Variants in CALN1 observed in about 807,000 individuals in gnomAD.
CALN1 encodes the protein calneuron 1.
In CALN1, 17 loss-of-function variants were observed where a neutral mutation model predicts 30.6. The observed-to-expected ratio is 0.56, with a 90% CI of 0.38 to 0.83. The LOEUF is 0.83. Among genes scored for constraint, CALN1 ranks in the 40% least tolerant of loss-of-function variants. The pLI, the probability that CALN1 is intolerant of heterozygous loss-of-function variation, is 0.00. For missense variants in CALN1, 291 were observed against 354.9 expected, an observed-to-expected ratio of 0.82 and a Z score of 1.45; for synonymous variants, 156 against 131.4, an observed-to-expected ratio of 1.19 and a Z score of -1.28.
intron 2 of CALN1, among the ~76,000 whole-genome samples, chr7:72,356,062 T>C (rs1803203388): frequency 6.6e-6 from 1 of 152,222 alleles, no homozygotes; most frequent in African/African-American, 2.4e-5. Flanking sequence ...TTACACATTG[T>C]ATACATGTAT....
At chr7:71,947,436 A>C (rs529449837) in intron 5 of CALN1, among the ~76,000 whole-genome samples, 3 of 152,294 alleles carry the variant, frequency 2.0e-5, no homozygotes, top group South Asian at 2.1e-4. Flanking sequence ...TACAATGAAG[A>C]TATGATACTG....
chr7:72,069,748 A>T (rs1179864689), intron 4 of CALN1, among the ~76,000 whole-genome samples: 1 of 152,176 alleles, frequency 6.6e-6, no homozygotes, highest in Non-Finnish European at 1.5e-5. Context: ...GGAGAGCTTG[A>T]TATCTTTGGG....
intron 2 of CALN1, among the ~76,000 whole-genome samples, chr7:72,349,886 T>C (rs1455522065): frequency 1.3e-5 from 2 of 152,222 alleles, no homozygotes; most frequent in East Asian, 1.9e-4. Flanking sequence ...ATTCTGTTGG[T>C]TGTCTGTTTA....
At chr7:72,209,840 G>T (rs1445587645) in intron 3 of CALN1, among the ~76,000 whole-genome samples, 1 of 152,032 alleles carries the variant, frequency 6.6e-6, no homozygotes, top group Non-Finnish European at 1.5e-5. Flanking sequence ...TGTTTTCAAG[G>T]CTTAGGTTCT....
the CALN1 span, among the ~76,000 whole-genome samples, chr7:72,462,182 T>TATGTATGTATGTATGTATGTATG: frequency 4.0e-4 from 59 of 148,876 alleles, no homozygotes; most frequent in African/African-American, 1.4e-3. Flanking sequence ...ATGTATGTAT[T>TATGTATGTATGTATGTATGTATG]TATTTATTTA....
chr7:72,060,174 C>G (rs1459451340), intron 4 of CALN1, among the ~76,000 whole-genome samples: 2 of 152,118 alleles, frequency 1.3e-5, no homozygotes, highest in African/African-American at 2.4e-5. Flanking sequence ...CCTGTCTTTT[C>G]ATTTCACCAT....
At chr7:72,336,683 G>A (rs1211332025) in intron 2 of CALN1, 45 of 985,184 alleles carry the variant, frequency 4.6e-5, no homozygotes, top group Non-Finnish European at 5.4e-5. Context: ...GGTAAGCTAG[G>A]GAGCCGGCGG....
intron 5 of CALN1, among the ~76,000 whole-genome samples, chr7:71,852,096 T>A (rs117398364): frequency 0.012 from 1,802 of 152,306 alleles, 18 homozygotes; most frequent in Middle Eastern, 0.044. Flanking sequence ...ATCCATGTCA[T>A]TAGAACATGA....
intron 5 of CALN1, among the ~76,000 whole-genome samples, chr7:72,010,833 GA>G (rs372322151): frequency 8.4e-4 from 121 of 144,488 alleles, no homozygotes; most frequent in African/African-American, 3.0e-3. Flanking sequence ...GAAAAGAAAA[GA>G]AAAAGAAAAA....
chr7:71,937,180 G>A (rs1341835669), intron 5 of CALN1, among the ~76,000 whole-genome samples: 2 of 151,592 alleles, frequency 1.3e-5, no homozygotes, highest in African/African-American at 4.8e-5. Context: ...GGTGGTGCAT[G>A]CCTGTAAACC....
intron 2 of CALN1, among the ~76,000 whole-genome samples, chr7:72,348,499 C>G (rs1320888064): frequency 1.3e-5 from 2 of 152,166 alleles, no homozygotes; most frequent in African/African-American, 2.4e-5. Context: ...TTTTTTATAA[C>G]GATTTAAGTT....
chr7:71,983,412 A>G (rs1798501138), intron 5 of CALN1, among the ~76,000 whole-genome samples: 1 of 152,202 alleles, frequency 6.6e-6, no homozygotes, highest in Non-Finnish European at 1.5e-5. Flanking sequence ...GGATAGTACA[A>G]ATGAGTCCAA....
At chr7:72,129,854 T>G (rs1312409316) in intron 3 of CALN1, among the ~76,000 whole-genome samples, 1 of 152,190 alleles carries the variant, frequency 6.6e-6, no homozygotes, top group Non-Finnish European at 1.5e-5. Flanking sequence ...GGTTTGAATA[T>G]GGTTCATGAT....
chr7:71,941,939 C>G lies in CALN1; in HGVS notation c.501+81718G>C, dbSNP rs372005426. On this transcript the variant is annotated intron_variant, in intron 5 of 6. Coordinates refer to ENST00000395275, the MANE Select transcript of CALN1 (RefSeq NM_031468.4). ...CTGGGCTGGGCCCGGTAGCTCACGC[C>G]TGTAATCCCAGCACTTTGGGAGGCT... 2.9e-3 allele frequency among the ~76,000 whole-genome samples: 442 copies of G among 152,292 alleles called. 1 individual carries two copies. Among genetic ancestry groups the G allele is most frequent in the African/African-American group, 0.01 (419 of 41,558 alleles).
At chr7:72,313,106 A>T (rs1342861407) in intron 2 of CALN1, among the ~76,000 whole-genome samples, 1 of 152,174 alleles carries the variant, frequency 6.6e-6, no homozygotes, top group East Asian at 1.9e-4. Flanking sequence ...AAGTGCTGGG[A>T]TTACAGGTAT....
At chr7:72,359,532 A>G (rs532795449) in intron 2 of CALN1, among the ~76,000 whole-genome samples, 9 of 152,320 alleles carry the variant, frequency 5.9e-5, no homozygotes, top group Admixed American at 4.6e-4. Context: ...AGTGAGGTAT[A>G]GGATATGCAG....
At chr7:72,048,894 TCAA>T (rs1365459134) in intron 4 of CALN1, among the ~76,000 whole-genome samples, 12 of 151,862 alleles carry the variant, frequency 7.9e-5, no homozygotes, top group African/African-American at 2.9e-4. Flanking sequence ...TGCAGCCACC[TCAA>T]CATTTTCGGC....
chr7:72,487,734 A>AAGGAAGG, the CALN1 span, among the ~76,000 whole-genome samples: 15 of 56,618 alleles, frequency 2.6e-4, no homozygotes, highest in African/African-American at 1.1e-3. Flanking sequence ...AGAAAGAAAG[A>AAGGAAGG]AAGGAAGGAA....
At chr7:71,913,602 CCT>C (rs1794538507) in intron 5 of CALN1, 1 of 152,312 alleles carries the variant, frequency 6.6e-6, no homozygotes, top group South Asian at 2.1e-4. Flanking sequence ...ACAGGCTCTC[CCT>C]CTGTTACCCA....
Sources: allele counts gnomAD v4.1 joint callset (sites outside exome capture counted in the v4.1 genomes callset), GRCh38; gene constraint gnomAD v4.1.1; transcripts MANE v1.5; gene names NCBI Gene and HGNC (gene_info 2026-07-23, HGNC 2026-07-21).